The following CD200R1 variants were observed in gnomAD, a reference collection of about 807,000 sequenced individuals.
The protein encoded by CD200R1 is CD200 receptor 1.
In CD200R1, 30 loss-of-function variants were observed where a neutral mutation model predicts 38.1. The ratio of observed to expected loss-of-function variants is 0.79; its 90% CI spans 0.59 to 1.07. CD200R1 has a LOEUF of 1.07. CD200R1 is among the 50% of genes least tolerant of loss of function. The probability of loss-of-function intolerance (pLI) is 0.00; values close to 1 mark genes in which losing one functional copy is unlikely to be tolerated. For missense variants in CD200R1, 372 were observed against 415.4 expected, an observed-to-expected ratio of 0.90 and a Z score of 0.91; for synonymous variants, 128 against 152.1, an observed-to-expected ratio of 0.84 and a Z score of 1.16.
At position 112,923,471 on chromosome 3, in the gene CD200R1, G is replaced by C. The variant is rs1038336272; in HGVS notation, c.*206C>G. 5.5e-6 allele frequency: 2 copies of C among 364,772 alleles called. No homozygotes were observed. The highest frequency in any genetic ancestry group is 4.3e-5 in the African/African-American group (2 of 46,656). The allele number at this position is 364,772 out of a possible 1,614,324, so 22.6% of individuals were successfully genotyped here. A position where few individuals can be genotyped will look rare whatever the true frequency, so the allele number is the denominator to read the frequency against. On this transcript the variant is annotated 3_prime_UTR_variant, in exon 8 of 8. Coordinates refer to ENST00000308611, the MANE Select transcript of CD200R1 (RefSeq NM_138806.4). ...ATGTATTTTCTTTGTAATAACATCA[G>C]TTCTTCAGAGAACTAGCTGGTAGCA...
At chr3:112,948,723 A>G (rs984860102) in intron 1 of CD200R1, among the ~76,000 whole-genome samples, 5 of 152,158 alleles carry the variant, frequency 3.3e-5, no homozygotes, top group African/African-American at 1.2e-4. Flanking sequence ...GATATAGACA[A>G]TGGCCTATTA....
intron 1 of CD200R1, among the ~76,000 whole-genome samples, chr3:112,969,410 G>T (rs1481394166): frequency 6.6e-6 from 1 of 152,106 alleles, no homozygotes; most frequent in Non-Finnish European, 1.5e-5. Context: ...AATAATACCA[G>T]GTAGAAACTT....
chr3:112,950,669 G>C (rs1185332334), intron 1 of CD200R1, among the ~76,000 whole-genome samples: 2 of 151,922 alleles, frequency 1.3e-5, no homozygotes, highest in Non-Finnish European at 2.9e-5. Context: ...GCCACATTCT[G>C]TGCCACAAGT....
At chr3:112,936,802 T>G (rs1185596092) in intron 2 of CD200R1, among the ~76,000 whole-genome samples, 3 of 152,244 alleles carry the variant, frequency 2.0e-5, no homozygotes, top group Non-Finnish European at 2.9e-5. Flanking sequence ...CTCTTTAGTT[T>G]AATCAGATCC....
rs200155243 is a variant in CD200R1, at chr3:112,929,096, C to G, written c.521-32G>C. 9.3e-6 allele frequency: 15 copies of G among 1,612,416 alleles called. No homozygotes were observed. In the African/African-American group the frequency reaches 1.3e-4, roughly 14 times the overall value. On this transcript the variant is annotated intron_variant, in intron 4 of 7. Transcript: ENST00000308611. ...AGAGGAAAGAGGGAAAAAAATGCTT[C>G]GGTTTTCACATAAAGCATATGGAAT...
chr3:112,946,283 T>G (rs1940858048), intron 2 of CD200R1, among the ~76,000 whole-genome samples: 1 of 152,214 alleles, frequency 6.6e-6, no homozygotes, highest in African/African-American at 2.4e-5. Context: ...CTCAATGTAG[T>G]AAGGCAAATT....
chr3:112,922,676 A>G lies in CD200R1; in HGVS notation c.*1001T>C, dbSNP rs973453672. The G allele has an allele frequency of 2.0e-5, 3 of 151,992 alleles. 1 individual carries two copies. Among genetic ancestry groups the G allele is most frequent in the African/African-American group, 7.2e-5 (3 of 41,426 alleles). The allele number at this position is 151,992 out of a possible 1,614,324, so 9.4% of individuals were successfully genotyped here. A position where few individuals can be genotyped will look rare whatever the true frequency, so the allele number is the denominator to read the frequency against. On this transcript the variant is annotated 3_prime_UTR_variant, in exon 8 of 8. Coordinates refer to ENST00000308611, the MANE Select transcript of CD200R1 (RefSeq NM_138806.4). ...TCACACGTGCATTCACTCTCTTACA[A>G]ACATGACCAAAAATATAAATCCATT...
intron 2 of CD200R1, among the ~76,000 whole-genome samples, chr3:112,931,392 C>A (rs1391587633): frequency 3.9e-5 from 6 of 152,138 alleles, no homozygotes; most frequent in African/African-American, 1.4e-4. Context: ...TCAATAATTT[C>A]TCTTTCGTGA....
At chr3:112,973,907 A>G (rs1394170712) in intron 1 of CD200R1, among the ~76,000 whole-genome samples, 1 of 152,156 alleles carries the variant, frequency 6.6e-6, no homozygotes, top group Non-Finnish European at 1.5e-5. Flanking sequence ...TATAACTTCT[A>G]TAGGAACCTA....
intron 1 of CD200R1, among the ~76,000 whole-genome samples, chr3:112,965,544 C>T (rs144216613): frequency 3.5e-4 from 54 of 152,158 alleles, no homozygotes; most frequent in East Asian, 3.9e-4. Context: ...AGGTGGATCA[C>T]GAGGTCAACA....
At chr3:112,948,847 T>G (rs1940918682) in intron 1 of CD200R1, among the ~76,000 whole-genome samples, 1 of 152,146 alleles carries the variant, frequency 6.6e-6, no homozygotes, top group Admixed American at 6.5e-5. Flanking sequence ...ATAAACAATA[T>G]CCCCTTTTTT....
chr3:112,944,983 A>G (rs1940812895), intron 2 of CD200R1, among the ~76,000 whole-genome samples: 2 of 152,218 alleles, frequency 1.3e-5, no homozygotes. Context: ...AGCATCCCCA[A>G]AAATGAAATA....
At chr3:112,952,055 AAAG>A (rs941320311) in intron 1 of CD200R1, among the ~76,000 whole-genome samples, 4 of 151,448 alleles carry the variant, frequency 2.6e-5, no homozygotes, top group Non-Finnish European at 4.4e-5. Context: ...AAAAAAAAAA[AAAG>A]AGAGAAAAAT....
chr3:112,960,098 A>G (rs558491914), intron 1 of CD200R1, among the ~76,000 whole-genome samples: 5 of 152,202 alleles, frequency 3.3e-5, no homozygotes, highest in African/African-American at 1.2e-4. Context: ...GCAACTTTGT[A>G]ACTGAGATCT....
rs1940208431 is a variant in CD200R1, at chr3:112,923,173, A to G, written c.*504T>C. On this transcript the variant is annotated 3_prime_UTR_variant, in exon 8 of 8. Coordinates refer to ENST00000308611, the MANE Select transcript of CD200R1 (RefSeq NM_138806.4). ...TTGTCATGATATAAAATGATCTCTA[A>G]GACTTATATTATTAGGTTTTCATAT... is the stretch of plus-strand genomic sequence containing the variant. The G allele has an allele frequency of 6.6e-6, 1 of 151,972 alleles. No individual in the cohort carries two copies. Among genetic ancestry groups the G allele is most frequent in the African/African-American group, 2.4e-5 (1 of 41,428 alleles). 9.4% of individuals were successfully genotyped at this position (151,972 alleles called of 1,614,324 possible).
intron 1 of CD200R1, among the ~76,000 whole-genome samples, chr3:112,972,906 C>T (rs1374532554): frequency 6.6e-6 from 1 of 152,090 alleles, no homozygotes; most frequent in Non-Finnish European, 1.5e-5. Flanking sequence ...AAGTGGTATG[C>T]TTCTCATTAT....
At position 112,936,098 on chromosome 3, in the gene CD200R1, C is replaced by T. The variant is rs149573603; in HGVS notation, c.137-4927G>A. ...AGTTTGCTGAGGATAATCTAATCAC[C>T]TCCACCTGCATCCATGTCCCTGCAA... On this transcript the variant is annotated intron_variant, in intron 2 of 7. Transcript: ENST00000308611. 2.0e-5 allele frequency among the ~76,000 whole-genome samples: 3 copies of T among 152,152 alleles called. No individual in the cohort carries two copies. The East Asian group carries it at 5.8e-4, about 29-fold the overall frequency.
At chr3:112,958,191 C>T (rs1844084) in intron 1 of CD200R1, among the ~76,000 whole-genome samples, 138,296 of 152,134 alleles carry the variant, frequency 0.91, 63,073 homozygotes, top group Middle Eastern at 0.94. Flanking sequence ...TAAATGTTCA[C>T]AGTGGCCTTA....
At chr3:112,939,684 A>C (rs1053991594) in intron 2 of CD200R1, among the ~76,000 whole-genome samples, 1 of 152,062 alleles carries the variant, frequency 6.6e-6, no homozygotes, top group Admixed American at 6.6e-5. Context: ...ATGGACTAGA[A>C]TAACTAATAT....
Sources: gnomAD v4.1 joint callset for allele counts (sites outside exome capture counted in the v4.1 genomes callset) on GRCh38, gnomAD v4.1.1 for gene constraint, MANE v1.5 for transcripts, NCBI Gene and HGNC (gene_info 2026-07-23, HGNC 2026-07-21) for gene names.